The following WWTR1 variants were observed in gnomAD, a reference collection of about 807,000 sequenced individuals.
WWTR1 encodes WW domain containing transcription regulator 1.
In WWTR1, 13 loss-of-function variants were observed where a neutral mutation model predicts 40.1. The observed-to-expected ratio is 0.32, with a 90% confidence interval of 0.21 to 0.52. WWTR1 has a LOEUF of 0.52. Among genes scored for constraint, WWTR1 ranks in the 20% least tolerant of loss-of-function variants. WWTR1 has a pLI of 0.97. For missense variants in WWTR1, 436 were observed against 523.1 expected, an observed-to-expected ratio of 0.83 and a Z score of 1.63; for synonymous variants, 230 against 210.1, an observed-to-expected ratio of 1.09 and a Z score of -0.82.
At position 149,644,736 on chromosome 3, in the gene WWTR1, A is replaced by C. The variant is rs765186682; in HGVS notation, c.431+12140T>G. On this transcript the variant is annotated intron_variant, in intron 2 of 6. Coordinates refer to ENST00000360632, the MANE Select transcript of WWTR1 (RefSeq NM_015472.6). Reference sequence around the variant, plus strand: ...CATATATGCATAATAAATCCTTGGAAGATAACACAAGTAACTGGGAACAGT... The same window carrying C: ...CATATATGCATAATAAATCCTTGGACGATAACACAAGTAACTGGGAACAGT... Among the ~76,000 whole-genome samples the C allele has an allele frequency of 1.8e-4, 27 of 152,376 alleles. 1 individual carries two copies. The highest frequency in any genetic ancestry group is 3.4e-3 in the Middle Eastern group (1 of 294).
At chr3:149,623,150 T>C (rs532627722) in intron 2 of WWTR1, among the ~76,000 whole-genome samples, 136 of 152,142 alleles carry the variant, frequency 8.9e-4, no homozygotes, top group African/African-American at 3.3e-3. Flanking sequence ...TCACTTGAGG[T>C]CAAGAGTTTG....
intron 2 of WWTR1, among the ~76,000 whole-genome samples, chr3:149,666,967 T>A (rs1295589777): frequency 6.6e-6 from 1 of 152,218 alleles, no homozygotes; most frequent in Non-Finnish European, 1.5e-5. Flanking sequence ...TGTCATCTAA[T>A]GGCCATACGA....
chr3:149,703,373 CAACA>C (rs1444403275), upstream of WWTR1: 1 of 152,022 alleles, frequency 6.6e-6, no homozygotes, highest in Non-Finnish European at 1.5e-5. Context: ...AGGGTTTTGC[CAACA>C]AACAGAAATA....
intron 2 of WWTR1, among the ~76,000 whole-genome samples, chr3:149,587,742 A>T (rs1738497486): frequency 6.6e-6 from 1 of 152,230 alleles, no homozygotes; most frequent in South Asian, 2.1e-4. Context: ...ACAGACATAG[A>T]TTTTGAAGAC....
chr3:149,527,082 A>G (rs1283305001), intron 5 of WWTR1, among the ~76,000 whole-genome samples: 2 of 152,102 alleles, frequency 1.3e-5, no homozygotes, highest in Non-Finnish European at 2.9e-5. Flanking sequence ...GAAATCTGAC[A>G]CTGTAGAATA....
intron 3 of WWTR1, among the ~76,000 whole-genome samples, chr3:149,558,832 A>T (rs1736960262): frequency 6.6e-6 from 1 of 152,252 alleles, no homozygotes; most frequent in Non-Finnish European, 1.5e-5. Context: ...TGGAAACAGG[A>T]CAACTAAATG....
chr3:149,570,930 T>A (rs1404775867), intron 3 of WWTR1, among the ~76,000 whole-genome samples: 3 of 152,168 alleles, frequency 2.0e-5, no homozygotes, highest in Non-Finnish European at 1.5e-5. Context: ...AACACACTAG[T>A]AACAACCTAA....
At chr3:149,522,445 G>T (rs1044659622) in intron 6 of WWTR1, among the ~76,000 whole-genome samples, 14 of 152,106 alleles carry the variant, frequency 9.2e-5, no homozygotes, top group Non-Finnish European at 1.3e-4. Context: ...TCATTGCAAA[G>T]GGTAGTAAAC....
intron 3 of WWTR1, among the ~76,000 whole-genome samples, chr3:149,546,822 A>G (rs946792691): frequency 2.2e-4 from 33 of 152,240 alleles, no homozygotes; most frequent in African/African-American, 7.2e-4. Context: ...GTCAAAGCTG[A>G]GAGTCTGCTT....
intron 4 of WWTR1, among the ~76,000 whole-genome samples, chr3:149,534,106 G>T (rs370893499): frequency 6.6e-6 from 1 of 152,064 alleles, no homozygotes; most frequent in African/African-American, 2.4e-5. Flanking sequence ...GGAGGCGGAG[G>T]TTGCAGTGAG....
intron 2 of WWTR1, among the ~76,000 whole-genome samples, chr3:149,601,867 A>G (rs1481255775): frequency 6.6e-6 from 1 of 152,200 alleles, no homozygotes; most frequent in Admixed American, 6.5e-5. Flanking sequence ...ATGTAATCAT[A>G]TGGTACAGAG....
At chr3:149,560,576 A>ATTTGAAGTGTGAGC (rs1475335239) in intron 3 of WWTR1, among the ~76,000 whole-genome samples, 4 of 152,216 alleles carry the variant, frequency 2.6e-5, no homozygotes, top group African/African-American at 9.6e-5. Context: ...TTTTCTTGAC[A>ATTTGAAGTGTGAGC]TTTGAAGTGT....
intron 3 of WWTR1, among the ~76,000 whole-genome samples, chr3:149,552,461 C>A (rs1736652357): frequency 6.6e-6 from 1 of 151,292 alleles, no homozygotes; most frequent in South Asian, 2.1e-4. Flanking sequence ...AAGATGAGAA[C>A]TGAGAAAAAA....
intron 3 of WWTR1, among the ~76,000 whole-genome samples, chr3:149,563,734 A>G (rs1737187034): frequency 6.6e-6 from 1 of 152,030 alleles, no homozygotes; most frequent in Non-Finnish European, 1.5e-5. Context: ...AACGTACACA[A>G]TTCTTTTTTT....
At chr3:149,678,822 ATTTT>A (rs57101843) in intron 1 of WWTR1, among the ~76,000 whole-genome samples, 64 of 135,528 alleles carry the variant, frequency 4.7e-4, no homozygotes, top group African/African-American at 1.0e-3. Context: ...GTTCACAAGT[ATTTT>A]TTTTTTTTTT....
chr3:149,602,257 T>C (rs1053508529), intron 2 of WWTR1, among the ~76,000 whole-genome samples: 1 of 152,234 alleles, frequency 6.6e-6, no homozygotes, highest in African/African-American at 2.4e-5. Context: ...AGAGTCATGA[T>C]ATAAGAGGAT....
chr3:149,527,868 G>T lies in WWTR1; in HGVS notation c.873C>A (p.Ile291=), dbSNP rs778009877. The T allele has an allele frequency of 9.3e-6, 15 of 1,613,994 alleles. No individual in the cohort carries two copies. In the Admixed American group the frequency reaches 2.5e-4, roughly 27 times the overall value. Reference sequence around the variant, plus strand: ...GGAAAGGATCTGAGCTATTATTAGTGATGGATCTCATGTCTGGGGTCATCG... The same window carrying T: ...GGAAAGGATCTGAGCTATTATTAGTTATGGATCTCATGTCTGGGGTCATCG... ...PPTMTPDMRS[I]TNNSSDPFLN... Residue 291 remains isoleucine (I), a synonymous_variant, in exon 5 of 7, where the codon ATC becomes ATA. Coordinates refer to ENST00000360632, the MANE Select transcript of WWTR1 (RefSeq NM_015472.6).
At chr3:149,718,367 G>A (rs1345062199) in intron 4 of WWTR1, among the ~76,000 whole-genome samples, 2 of 152,054 alleles carry the variant, frequency 1.3e-5, no homozygotes, top group Non-Finnish European at 2.9e-5. Flanking sequence ...CACATGCCAT[G>A]AGGGCCACTA....
At chr3:149,656,695 A>G (rs112335706) in intron 2 of WWTR1, among the ~76,000 whole-genome samples, 181 bp downstream of exon 2, 12 of 151,264 alleles carry the variant, frequency 7.9e-5, no homozygotes, top group African/African-American at 2.7e-4. Flanking sequence ...ACACTCAGAG[A>G]CTCACTCCCT....
Sources: allele counts gnomAD v4.1 joint callset (sites outside exome capture counted in the v4.1 genomes callset), GRCh38; gene constraint gnomAD v4.1.1; transcripts MANE v1.5; gene names NCBI Gene and HGNC (gene_info 2026-07-23, HGNC 2026-07-21).